Variants in TCF12 observed in about 807,000 individuals in gnomAD.
The protein encoded by TCF12 is transcription factor 12, also known as DNA-binding protein HTF4.
Under a neutral mutation model 86.0 loss-of-function variants are expected in TCF12, and 45 were observed. The observed-to-expected ratio is 0.52, with a 90% CI of 0.41 to 0.67. The LOEUF (loss-of-function observed/expected upper bound fraction) is 0.67, where lower values mean the gene tolerates loss of function less well. Among genes scored for constraint, TCF12 ranks in the 30% least tolerant of loss-of-function variants. TCF12 has a pLI of 0.00. For synonymous variants in TCF12, 330 were observed against 299.6 expected, an observed-to-expected ratio of 1.10 and a Z score of -1.05; for missense variants, 881 against 859.9, an observed-to-expected ratio of 1.02 and a Z score of -0.31.
At chr15:57,199,668 G>T (rs1289958780) in intron 8 of TCF12, among the ~76,000 whole-genome samples, 1 of 152,038 alleles carries the variant, frequency 6.6e-6, no homozygotes. Flanking sequence ...ATTGTCTCAG[G>T]TATCTGGAAC....
chr15:57,214,143 C>T (rs562058368), intron 8 of TCF12: 1 of 152,336 alleles, frequency 6.6e-6, no homozygotes, highest in East Asian at 1.9e-4. Context: ...GATGCAGGGG[C>T]AGGGGGACCC....
intron 2 of TCF12, 118 bp downstream of exon 2, chr15:56,920,106 C>G: frequency 9.0e-7 from 1 of 1,110,854 alleles, no homozygotes; most frequent in Non-Finnish European, 1.3e-6. Flanking sequence ...AGCGTGAACT[C>G]CATCTGCTTT....
intron 19 of TCF12, among the ~76,000 whole-genome samples, chr15:57,276,536 A>G (rs1466426692): frequency 6.6e-6 from 1 of 152,242 alleles, no homozygotes; most frequent in Admixed American, 6.5e-5. Context: ...CAAGAGTGGT[A>G]AGATCTAATC....
intron 3 of TCF12, among the ~76,000 whole-genome samples, chr15:56,963,611 G>A (rs1287805028): frequency 6.6e-5 from 10 of 152,146 alleles, no homozygotes; most frequent in African/African-American, 2.4e-4. Context: ...TTTGGACTCA[G>A]TGTTTTATTT....
chr15:57,268,025 T>G (rs1297072416), intron 18 of TCF12, among the ~76,000 whole-genome samples: 1 of 152,156 alleles, frequency 6.6e-6, no homozygotes, highest in Non-Finnish European at 1.5e-5. Flanking sequence ...TGGTGGTAAT[T>G]TTAAGTGTAT....
chr15:57,114,083 A>G (rs909408097), intron 5 of TCF12, among the ~76,000 whole-genome samples: 2 of 152,202 alleles, frequency 1.3e-5, no homozygotes, highest in Admixed American at 1.3e-4. Flanking sequence ...TTTGAGAACC[A>G]TATATAAGCC....
At chr15:57,043,916 C>G (rs1179559804) in intron 3 of TCF12, among the ~76,000 whole-genome samples, 1 of 151,694 alleles carries the variant, frequency 6.6e-6, no homozygotes, top group Non-Finnish European at 1.5e-5. Context: ...CCCCGTCATG[C>G]ATTGTTTTTA....
At chr15:57,017,146 C>G (rs2141217581) in intron 3 of TCF12, among the ~76,000 whole-genome samples, 1 of 152,302 alleles carries the variant, frequency 6.6e-6, no homozygotes, top group South Asian at 2.1e-4. Context: ...AGGGCAAAAT[C>G]TCAGGCCCTT....
At chr15:56,931,688 T>C (rs915847631) in intron 3 of TCF12, among the ~76,000 whole-genome samples, 8 of 152,194 alleles carry the variant, frequency 5.3e-5, no homozygotes, top group African/African-American at 1.9e-4. Flanking sequence ...TACAGGCATC[T>C]TAATTAAAAA....
chr15:57,132,732 G>T (rs561675712), intron 5 of TCF12, among the ~76,000 whole-genome samples: 1 of 152,144 alleles, frequency 6.6e-6, no homozygotes, highest in East Asian at 1.9e-4. Context: ...TCTGTACATG[G>T]CATATAGTCA....
At chr15:57,113,086 ATCT>A (rs2050604107) in intron 5 of TCF12, among the ~76,000 whole-genome samples, 1 of 152,036 alleles carries the variant, frequency 6.6e-6, no homozygotes, top group Non-Finnish European at 1.5e-5. Flanking sequence ...GCACTTGAAG[ATCT>A]TCATTTTTCT....
intron 6 of TCF12, among the ~76,000 whole-genome samples, chr15:57,174,830 G>C (rs2055791292): frequency 6.6e-6 from 1 of 152,164 alleles, no homozygotes; most frequent in African/African-American, 2.4e-5. Flanking sequence ...AGATGGCAAA[G>C]CTTCAACAGT....
intron 12 of TCF12, 46 bp downstream of exon 12, chr15:57,234,153 T>A (rs534735180): frequency 7.1e-7 from 1 of 1,407,984 alleles, no homozygotes; most frequent in South Asian, 1.2e-5. Flanking sequence ...TTTACACTAC[T>A]GAATACAGTG....
intron 3 of TCF12, among the ~76,000 whole-genome samples, chr15:56,967,690 A>G (rs1208717459): frequency 6.6e-6 from 1 of 152,214 alleles, no homozygotes; most frequent in African/African-American, 2.4e-5. Context: ...TCAAGAAAAA[A>G]TTAACAAATT....
intron 6 of TCF12, among the ~76,000 whole-genome samples, chr15:57,175,289 T>G (rs1201327541): frequency 1.3e-5 from 2 of 152,132 alleles, no homozygotes; most frequent in African/African-American, 2.4e-5. Flanking sequence ...GCCCAGGAGT[T>G]TGAGGTTACA....
chr15:57,164,646 A>G (rs1162665951), intron 5 of TCF12, among the ~76,000 whole-genome samples: 1 of 152,062 alleles, frequency 6.6e-6, no homozygotes, highest in Non-Finnish European at 1.5e-5. Flanking sequence ...GCCAAACCGT[A>G]TCAGTGGGTA....
At chr15:57,042,819 G>GT (rs1193132040) in intron 3 of TCF12, among the ~76,000 whole-genome samples, 1 of 152,094 alleles carries the variant, frequency 6.6e-6, no homozygotes, top group Non-Finnish European at 1.5e-5. Context: ...TAAGTATTTA[G>GT]TATGGTATTG....
chr15:57,017,726 C>CTTT (rs34230192), intron 3 of TCF12, among the ~76,000 whole-genome samples: 2,625 of 130,502 alleles, frequency 0.02, 60 homozygotes, highest in Non-Finnish European at 0.03. Flanking sequence ...AATTTTCTTT[C>CTTT]TTTTTTTTTT....
chr15:57,144,547 T>A (rs2053221476), intron 5 of TCF12, among the ~76,000 whole-genome samples: 1 of 152,178 alleles, frequency 6.6e-6, no homozygotes, highest in Non-Finnish European at 1.5e-5. Context: ...CTTGTGACCG[T>A]TTTGTACTGA....
Sources: gnomAD v4.1 joint callset for allele counts (sites outside exome capture counted in the v4.1 genomes callset) on GRCh38, gnomAD v4.1.1 for gene constraint, MANE v1.5 for transcripts, NCBI Gene and HGNC (gene_info 2026-07-23, HGNC 2026-07-21) for gene names.